The following GUCY2F variants were observed in gnomAD, a reference collection of about 807,000 sequenced individuals.
GUCY2F encodes the protein guanylate cyclase 2F, retinal, also known as retinal guanylyl cyclase 2.
In GUCY2F, 61 loss-of-function variants were observed where a neutral mutation model predicts 73.1. That is an observed-to-expected ratio of 0.83 (90% CI 0.68 to 1.03). The LOEUF (loss-of-function observed/expected upper bound fraction) is 1.03, where lower values mean the gene tolerates loss of function less well. GUCY2F is among the 50% of genes least tolerant of loss of function. The pLI, the probability that GUCY2F is intolerant of heterozygous loss-of-function variation, is 0.00. For synonymous variants in GUCY2F, 331 were observed against 307.8 expected (o/e 1.08, Z -0.79); for missense variants, 912 against 854.3 (o/e 1.07, Z -0.84).
intron 6 of GUCY2F, among the ~76,000 whole-genome samples, chrX:109,446,798 T>G (rs2147274919): frequency 9.0e-6 from 1 of 111,680 alleles, no homozygotes; most frequent in African/African-American, 3.3e-5. Context: ...ACTAAAGAGC[T>G]TCTGCACAGC....
At chrX:109,424,643 T>C (rs754047313) in intron 8 of GUCY2F, among the ~76,000 whole-genome samples, 70 of 111,489 alleles carry the variant, frequency 6.3e-4, no homozygotes, top group Admixed American at 2.2e-3. Context: ...TGGGAGAGGC[T>C]GTGCATAGGT....
chrX:109,375,246 A>C (rs1403960100), intron 19 of GUCY2F, among the ~76,000 whole-genome samples: 1 of 111,086 alleles, frequency 9.0e-6, no homozygotes, highest in African/African-American at 3.3e-5. Flanking sequence ...TGGATTCCTC[A>C]GAGATAAATA....
intron 3 of GUCY2F, 32 bp downstream of exon 3, chrX:109,465,110 C>A (rs1486652610): frequency 1.8e-6 from 2 of 1,091,890 alleles, no homozygotes; most frequent in African/African-American, 3.7e-5. Flanking sequence ...TTTAGGTTCT[C>A]AGCTCATGAC....
chrX:109,436,613 G>T (rs762076649), intron 7 of GUCY2F, among the ~76,000 whole-genome samples: 21 of 111,766 alleles, frequency 1.9e-4, no homozygotes, highest in African/African-American at 4.9e-4. Context: ...CCATAAAAAA[G>T]GATGAGTTCA....
chrX:109,456,740 G>C (rs1196101835), intron 3 of GUCY2F, among the ~76,000 whole-genome samples: 2 of 111,698 alleles, frequency 1.8e-5, no homozygotes, highest in South Asian at 3.8e-4. Context: ...CTGTCACGAT[G>C]GTCCACTGTC....
intron 2 of GUCY2F, among the ~76,000 whole-genome samples, chrX:109,472,075 T>C (rs1932585619): frequency 9.0e-6 from 1 of 111,133 alleles, no homozygotes; most frequent in South Asian, 3.8e-4. Flanking sequence ...GACCTGTTTC[T>C]GAGAAAGGCG....
At chrX:109,400,656 G>A (rs749211092) in intron 10 of GUCY2F, among the ~76,000 whole-genome samples, 52 of 111,066 alleles carry the variant, frequency 4.7e-4, no homozygotes, top group Middle Eastern at 4.7e-3. Context: ...CTCTTTAAGT[G>A]TCCCCAGGCT....
intron 17 of GUCY2F, among the ~76,000 whole-genome samples, chrX:109,379,198 A>G (rs1412231089): frequency 8.9e-6 from 1 of 112,378 alleles, no homozygotes; most frequent in Admixed American, 9.4e-5. Context: ...AGCAGAGAGT[A>G]GAATGGTGGT....
chrX:109,467,812 G>A (rs1932500798), intron 2 of GUCY2F, among the ~76,000 whole-genome samples: 1 of 112,473 alleles, frequency 8.9e-6, no homozygotes, highest in Non-Finnish European at 1.9e-5. Flanking sequence ...TGACCACTGT[G>A]GGAGTGATTA....
chrX:109,466,553 A>G (rs1018152506), intron 2 of GUCY2F, among the ~76,000 whole-genome samples: 1 of 111,564 alleles, frequency 9.0e-6, no homozygotes, highest in East Asian at 2.8e-4. Context: ...CTTATATCCA[A>G]TTTTACCCTT....
intron 6 of GUCY2F, among the ~76,000 whole-genome samples, chrX:109,444,534 G>C (rs1167957165): frequency 9.0e-6 from 1 of 111,644 alleles, no homozygotes; most frequent in East Asian, 2.8e-4. Flanking sequence ...TGTCTTTACT[G>C]TGGCCACATA....
chrX:109,385,498 G>T (rs944757542), intron 15 of GUCY2F, among the ~76,000 whole-genome samples: 3 of 112,351 alleles, frequency 2.7e-5, no homozygotes, highest in Non-Finnish European at 5.6e-5. Context: ...CCCTTCTGAT[G>T]TATACCTTTG....
chrX:109,374,096 C>T (rs1930121948), intron 19 of GUCY2F, among the ~76,000 whole-genome samples: 1 of 112,288 alleles, frequency 8.9e-6, no homozygotes, highest in Admixed American at 9.4e-5. Flanking sequence ...GGGTCTATCC[C>T]AGTAAGTGTC....
intron 8 of GUCY2F, among the ~76,000 whole-genome samples, chrX:109,428,219 A>C (rs1226146272): frequency 1.8e-5 from 2 of 112,312 alleles, no homozygotes; most frequent in African/African-American, 6.5e-5. Flanking sequence ...TATTAATTAC[A>C]ATGAGATAAA....
chrX:109,392,848 C>A, intron 13 of GUCY2F, 44 bp downstream of exon 13: 4 of 785,302 alleles, frequency 5.1e-6, no homozygotes, highest in Non-Finnish European at 5.5e-6. Context: ...TTTAACAGAA[C>A]ACACTGTTAT....
At chrX:109,376,401 G>A (rs912908832) in intron 17 of GUCY2F, among the ~76,000 whole-genome samples, 2 of 111,968 alleles carry the variant, frequency 1.8e-5, no homozygotes, top group Non-Finnish European at 3.8e-5. Flanking sequence ...TGTTTGGCTT[G>A]ACAGCAACCA....
chrX:109,403,812 G>A (rs1380487556), intron 10 of GUCY2F, among the ~76,000 whole-genome samples: 1 of 112,085 alleles, frequency 8.9e-6, no homozygotes, highest in Non-Finnish European at 1.9e-5. Flanking sequence ...TTTGACACAG[G>A]CATGGCTACT....
rs138538854 is a variant in GUCY2F at position 109,467,504 on chromosome X, T to C, written c.731-2061A>G. ...ACTTTACTGCATGGAAAATGTTAAA[T>C]AGAACTAGTGTTTGGTGCTGATTGC... On this transcript the variant is annotated intron_variant, in intron 2 of 19. Transcript: ENST00000218006. Among the ~76,000 whole-genome samples, 1,113 of 112,891 alleles carry C rather than the reference T, an allele frequency of 9.9e-3. 15 individuals are homozygous for C. The highest frequency in any genetic ancestry group is 0.034 in the African/African-American group (1,059 of 31,096).
chrX:109,390,819 A>G (rs1222535312), intron 14 of GUCY2F, among the ~76,000 whole-genome samples: 3 of 112,897 alleles, frequency 2.7e-5, no homozygotes, highest in African/African-American at 9.6e-5. Flanking sequence ...CTTCTTGATT[A>G]GCTTGCAGCT....
Sources: gnomAD v4.1 joint callset for allele counts (sites outside exome capture counted in the v4.1 genomes callset) on GRCh38, gnomAD v4.1.1 for gene constraint, MANE v1.5 for transcripts, NCBI Gene and HGNC (gene_info 2026-07-23, HGNC 2026-07-21) for gene names.